AGBL4: variants seen among roughly 807,000 people sequenced by gnomAD.
AGBL4 encodes cytosolic carboxypeptidase 6.
AGBL4 carries 58 observed loss-of-function variants against 66.4 expected under a neutral mutation model. The observed-to-expected ratio is 0.87, with a 90% CI of 0.71 to 1.09. AGBL4 has a LOEUF of 1.09. AGBL4 is among the 50% of genes least tolerant of loss of function. AGBL4 has a pLI of 0.00. For missense variants in AGBL4, 579 were observed against 631.0 expected, an observed-to-expected ratio of 0.92 and a Z score of 0.88; for synonymous variants, 234 against 222.9, an observed-to-expected ratio of 1.05 and a Z score of -0.44.
chr1:49,601,854 G>A (rs1189930408), intron 3 of AGBL4, among the ~76,000 whole-genome samples: 2 of 152,026 alleles, frequency 1.3e-5, no homozygotes, highest in Non-Finnish European at 2.9e-5. Context: ...TTGACAAATG[G>A]GATCAATTAA....
chr1:49,061,686 G>A (rs1010879751), intron 4 of AGBL4, among the ~76,000 whole-genome samples: 2 of 152,136 alleles, frequency 1.3e-5, no homozygotes, highest in Non-Finnish European at 2.9e-5. Flanking sequence ...AGAAGTCAGA[G>A]GTAAGGGCAA....
intron 4 of AGBL4, among the ~76,000 whole-genome samples, chr1:49,156,574 T>A (rs961678834): frequency 6.6e-6 from 1 of 152,154 alleles, no homozygotes; most frequent in Admixed American, 6.6e-5. Context: ...CTCATTGGCA[T>A]GGCTTGGAAG....
At chr1:48,560,365 T>A (rs1023659013) in intron 11 of AGBL4, among the ~76,000 whole-genome samples, 6 of 152,308 alleles carry the variant, frequency 3.9e-5, no homozygotes, top group Admixed American at 2.6e-4. Context: ...CTGTGGGTGA[T>A]CCTCAAATAT....
chr1:49,909,558 T>C (rs1036506642), intron 1 of AGBL4, among the ~76,000 whole-genome samples: 3 of 152,114 alleles, frequency 2.0e-5, no homozygotes, highest in Non-Finnish European at 4.4e-5. Context: ...CTGAACAGAG[T>C]TAGCAATGAA....
chr1:48,634,343 C>T, intron 9 of AGBL4, 150 bp downstream of exon 9: 1 of 562,890 alleles, frequency 1.8e-6, no homozygotes, highest in Non-Finnish European at 3.2e-6. Context: ...CTTGGGTCTG[C>T]TGGATTCAGA....
intron 6 of AGBL4, among the ~76,000 whole-genome samples, chr1:48,717,046 G>A (rs188501020): frequency 2.0e-5 from 3 of 152,332 alleles, no homozygotes; most frequent in East Asian, 1.9e-4. Context: ...TTCAGGCCAC[G>A]TCTGTATTTC....
intron 3 of AGBL4, among the ~76,000 whole-genome samples, chr1:49,248,411 A>T (rs1161448250): frequency 6.6e-6 from 1 of 152,192 alleles, no homozygotes; most frequent in African/African-American, 2.4e-5. Context: ...AGGATAATGA[A>T]TTTTTTGAGA....
intron 2 of AGBL4, among the ~76,000 whole-genome samples, chr1:49,841,261 C>CA (rs957715782): frequency 2.6e-5 from 4 of 151,884 alleles, no homozygotes; most frequent in Admixed American, 2.0e-4. Flanking sequence ...ACACTAGCCA[C>CA]AAAAAAATGA....
At chr1:49,124,185 A>G (rs891451032) in intron 4 of AGBL4, among the ~76,000 whole-genome samples, 9 of 152,182 alleles carry the variant, frequency 5.9e-5, no homozygotes, top group African/African-American at 1.9e-4. Flanking sequence ...ATATATAAAT[A>G]AATTCTAAGC....
intron 3 of AGBL4, among the ~76,000 whole-genome samples, chr1:49,614,914 C>G (rs1260248107): frequency 6.6e-6 from 1 of 152,018 alleles, no homozygotes; most frequent in Non-Finnish European, 1.5e-5. Flanking sequence ...ATTAGCACTC[C>G]TAGTAAGGTC....
chr1:48,679,116 C>T (rs1646414097), intron 6 of AGBL4, among the ~76,000 whole-genome samples: 1 of 152,142 alleles, frequency 6.6e-6, no homozygotes. Context: ...GAGGGAACCC[C>T]CTGGCTCAGC....
intron 3 of AGBL4, among the ~76,000 whole-genome samples, chr1:49,373,335 A>G (rs146468710): frequency 2.0e-3 from 309 of 152,316 alleles, no homozygotes; most frequent in African/African-American, 7.1e-3. Flanking sequence ...AGTAGAACTG[A>G]TATCTCCATG....
intron 3 of AGBL4, among the ~76,000 whole-genome samples, chr1:49,412,528 A>G (rs1285439965): frequency 6.6e-6 from 1 of 152,146 alleles, no homozygotes; most frequent in Non-Finnish European, 1.5e-5. Flanking sequence ...GCCTCTAACT[A>G]TTCACACTCA....
chr1:49,065,253 A>T (rs1644471187), intron 4 of AGBL4, among the ~76,000 whole-genome samples: 1 of 152,222 alleles, frequency 6.6e-6, no homozygotes, highest in South Asian at 2.1e-4. Context: ...TCCTGCCTCT[A>T]TGGACATACT....
chr1:48,650,151 C>T (rs1041564995), intron 8 of AGBL4, among the ~76,000 whole-genome samples: 1 of 152,194 alleles, frequency 6.6e-6, no homozygotes. Context: ...CAGGGTCTGG[C>T]AGGCTTGGTG....
chr1:49,117,380 T>C (rs1450450978), intron 4 of AGBL4, among the ~76,000 whole-genome samples: 1 of 152,222 alleles, frequency 6.6e-6, no homozygotes, highest in Non-Finnish European at 1.5e-5. Context: ...TCAATCCATC[T>C]TGAATTAATT....
At chr1:48,773,425 C>G (rs1271848216) in intron 6 of AGBL4, among the ~76,000 whole-genome samples, 1 of 151,984 alleles carries the variant, frequency 6.6e-6, no homozygotes, top group African/African-American at 2.4e-5. Flanking sequence ...TGTGGACCCT[C>G]CAAGAGGGAC....
intron 4 of AGBL4, among the ~76,000 whole-genome samples, chr1:49,213,151 C>T (rs980695225): frequency 6.6e-6 from 1 of 152,070 alleles, no homozygotes; most frequent in Non-Finnish European, 1.5e-5. Flanking sequence ...CACAATATGA[C>T]AATTACTACT....
intron 3 of AGBL4, among the ~76,000 whole-genome samples, chr1:49,680,825 C>G (rs1375198691): frequency 6.6e-6 from 1 of 151,466 alleles, no homozygotes; most frequent in Admixed American, 6.6e-5. Flanking sequence ...TCCTTTGCTT[C>G]TGGAACTTCA....
Sources: gnomAD v4.1 joint callset for allele counts (sites outside exome capture counted in the v4.1 genomes callset) on GRCh38, gnomAD v4.1.1 for gene constraint, MANE v1.5 for transcripts, NCBI Gene and HGNC (gene_info 2026-07-23, HGNC 2026-07-21) for gene names.